The following TAFA2 variants were observed in gnomAD, a reference collection of about 807,000 sequenced individuals.
TAFA2 encodes chemokine-like protein TAFA-2.
TAFA2 carries 7 observed loss-of-function variants against 18.8 expected under a neutral mutation model. That is an observed-to-expected ratio of 0.37 (90% CI 0.21 to 0.70). TAFA2 has a LOEUF of 0.70. TAFA2 is among the 30% of genes least tolerant of loss of function. The pLI is 0.53. For synonymous variants in TAFA2, 60 were observed against 54.2 expected (o/e 1.11, Z -0.47); for missense variants, 122 against 158.1 (o/e 0.77, Z 1.23).
intron 1 of TAFA2, among the ~76,000 whole-genome samples, chr12:61,870,176 G>C (rs547033708): frequency 6.6e-6 from 1 of 152,134 alleles, no homozygotes; most frequent in South Asian, 2.1e-4. Context: ...TCTTCTTTTC[G>C]TAACATCGTC....
chr12:62,029,363 G>T (rs1881389684), intron 1 of TAFA2, among the ~76,000 whole-genome samples: 1 of 152,116 alleles, frequency 6.6e-6, no homozygotes, highest in Non-Finnish European at 1.5e-5. Context: ...ATGCTTGTTA[G>T]GGAGGTGTTA....
At chr12:61,773,213 A>G (rs931304054) in intron 2 of TAFA2, among the ~76,000 whole-genome samples, 2 of 152,092 alleles carry the variant, frequency 1.3e-5, no homozygotes, top group Non-Finnish European at 2.9e-5. Flanking sequence ...TAGATGATGT[A>G]AACAAATGAG....
At chr12:61,970,529 T>TTTTTTC (rs3031099) in intron 1 of TAFA2, among the ~76,000 whole-genome samples, 145,808 of 151,326 alleles carry the variant, frequency 0.96, 70,316 homozygotes, top group South Asian at 0.99. Context: ...CCAAAAGAAT[T>TTTTTTC]TTCAGAAGTT....
rs538298492 is a variant in TAFA2 at position 62,202,269 on chromosome 12, T to A, written c.-130+56494A>T. The stretch of plus-strand genomic sequence containing the variant: ...ACTGTGATCTTGGTTATTTCTTGTC[T>A]TCTGCTAGCTTTGGGGTTTGTTTGC... On this transcript the variant is annotated intron_variant, in intron 1 of 5. Coordinates refer to the TAFA2 transcript ENST00000551619. Among the ~76,000 whole-genome samples the A allele has an allele frequency of 2.0e-5, 3 of 152,284 alleles. No individual in the cohort carries two copies. The East Asian group carries it at 5.8e-4, about 29-fold the overall frequency.
chr12:62,250,136 G>C (rs2062905644), intron 1 of TAFA2, among the ~76,000 whole-genome samples: 1 of 152,202 alleles, frequency 6.6e-6, no homozygotes, highest in Non-Finnish European at 1.5e-5. Context: ...GCATCAATAT[G>C]TTGTAAATTC....
At chr12:61,834,672 A>G (rs929602357) in intron 2 of TAFA2, among the ~76,000 whole-genome samples, 2 of 152,044 alleles carry the variant, frequency 1.3e-5, no homozygotes, top group Admixed American at 6.6e-5. Flanking sequence ...TCCTAATTAG[A>G]TAACTTCAAA....
At chr12:61,799,588 C>A (rs568235232) in intron 2 of TAFA2, among the ~76,000 whole-genome samples, 1 of 152,046 alleles carries the variant, frequency 6.6e-6, no homozygotes, top group Non-Finnish European at 1.5e-5. Context: ...TTTGGGAGGC[C>A]GAGGCGGGCG....
intron 1 of TAFA2, chr12:61,879,712 G>T (rs1002395126): frequency 1.8e-6 from 2 of 1,135,712 alleles, no homozygotes; most frequent in South Asian, 2.4e-5. Context: ...AGCAGCAGAA[G>T]ATGGCTCAGA....
intron 2 of TAFA2, among the ~76,000 whole-genome samples, chr12:61,789,098 T>C (rs1469689590): frequency 6.6e-6 from 1 of 151,916 alleles, no homozygotes; most frequent in African/African-American, 2.4e-5. Context: ...AGGCTGCCTG[T>C]TCACTCTGAT....
chr12:61,860,920 C>T (rs1404684473), intron 2 of TAFA2, among the ~76,000 whole-genome samples: 1 of 152,042 alleles, frequency 6.6e-6, no homozygotes, highest in East Asian at 1.9e-4. Flanking sequence ...CTGTAAGTGC[C>T]GCTAGGACAT....
At chr12:62,100,588 A>G (rs1408154869) in intron 1 of TAFA2, among the ~76,000 whole-genome samples, 1 of 152,200 alleles carries the variant, frequency 6.6e-6, no homozygotes, top group African/African-American at 2.4e-5. Flanking sequence ...TATAGCCTAT[A>G]TCATACATCT....
chr12:61,984,388 C>G (rs1879746666), intron 1 of TAFA2, among the ~76,000 whole-genome samples: 2 of 152,206 alleles, frequency 1.3e-5, no homozygotes, highest in South Asian at 4.1e-4. Context: ...TCACGTAGCT[C>G]TTTCCACCCT....
At chr12:61,870,758 G>C (rs775573675) in intron 1 of TAFA2, among the ~76,000 whole-genome samples, 9 of 152,084 alleles carry the variant, frequency 5.9e-5, no homozygotes, top group South Asian at 2.1e-4. Context: ...TCTTCAAAAT[G>C]GGTAACTTCT....
rs536887323 is a variant in TAFA2, at chr12:62,134,106, T to C, written c.-2+57153A>G. Among the ~76,000 whole-genome samples, 4 of 152,000 alleles carry C rather than the reference T, an allele frequency of 2.6e-5. No homozygotes were observed. The South Asian group carries it at 8.3e-4, about 32-fold the overall frequency. On this transcript the variant is annotated intron_variant, in intron 1 of 4. Transcript: ENST00000416284. ...AGGACACTCTTTCTCTTCCCCTTCT[T>C]ATGCTTGGATTTTTCTGGTCCTTCA... is the stretch of plus-strand genomic sequence containing the variant.
chr12:61,833,775 A>G (rs942945471), intron 2 of TAFA2, among the ~76,000 whole-genome samples: 5 of 151,990 alleles, frequency 3.3e-5, no homozygotes, highest in African/African-American at 9.7e-5. Flanking sequence ...GTGATTCCCT[A>G]TTCAAAGATG....
chr12:62,224,794 T>A (rs2062779005), intron 1 of TAFA2, among the ~76,000 whole-genome samples: 1 of 152,176 alleles, frequency 6.6e-6, no homozygotes, highest in African/African-American at 2.4e-5. Flanking sequence ...TAACAGTGGT[T>A]GCACAATAAT....
chr12:61,776,140 T>A (rs2120863491), intron 2 of TAFA2: 1 of 407,416 alleles, frequency 2.5e-6, no homozygotes, highest in South Asian at 2.2e-5. Flanking sequence ...GCTGTTGGCA[T>A]TATTGTAAAC....
intron 2 of TAFA2, chr12:61,776,157 T>A: frequency 5.6e-6 from 2 of 354,588 alleles, no homozygotes; most frequent in South Asian, 5.7e-5. Context: ...AAACAGACAA[T>A]TTAAGGGCAT....
intron 2 of TAFA2, among the ~76,000 whole-genome samples, chr12:61,765,056 C>A (rs899337917): frequency 3.3e-5 from 5 of 152,084 alleles, no homozygotes; most frequent in African/African-American, 1.2e-4. Context: ...ATGCATCAAA[C>A]CTTTTTCTTT....
Sources: allele counts gnomAD v4.1 joint callset (sites outside exome capture counted in the v4.1 genomes callset), GRCh38; gene constraint gnomAD v4.1.1; transcripts MANE v1.5; gene names NCBI Gene and HGNC (gene_info 2026-07-23, HGNC 2026-07-21).